RYR2: variants seen among roughly 807,000 people sequenced by gnomAD.
The protein encoded by RYR2 is ryanodine receptor 2.
A neutral mutation model predicts 601.1 loss-of-function variants in RYR2; 227 were observed. That is an observed-to-expected ratio of 0.38 (90% confidence interval 0.34 to 0.42). The LOEUF (loss-of-function observed/expected upper bound fraction) is 0.42. Among genes scored for constraint, RYR2 ranks in the 10% least tolerant of loss-of-function variants. The pLI is 1.00. For missense variants in RYR2, 4,646 were observed against 6,156.5 expected (o/e 0.75, Z 8.21); for synonymous variants, 2,223 against 2,175.1 (o/e 1.02, Z -0.61).
At chr1:237,302,158 A>T (rs1693416329) in intron 2 of RYR2, among the ~76,000 whole-genome samples, 1 of 152,168 alleles carries the variant, frequency 6.6e-6, no homozygotes, top group Admixed American at 6.5e-5. Context: ...ACATATTTTT[A>T]AAAATACCAA....
At chr1:237,761,372 T>A (rs1693423316) in intron 84 of RYR2, among the ~76,000 whole-genome samples, 1 of 152,318 alleles carries the variant, frequency 6.6e-6, no homozygotes, top group Non-Finnish European at 1.5e-5. Flanking sequence ...AACATTTGAC[T>A]TTCTTTGGCC....
At chr1:237,580,181 G>C (rs1416809580) in intron 29 of RYR2, among the ~76,000 whole-genome samples, 1 of 105,804 alleles carries the variant, frequency 9.5e-6, no homozygotes, top group Non-Finnish European at 2.0e-5. Context: ...TTGAGACGGA[G>C]TTTTGCTCTC....
chr1:237,577,531 TGTGTGCGTGTGTGTGTG>T (rs1559055205), intron 29 of RYR2, among the ~76,000 whole-genome samples: 60 of 74,562 alleles, frequency 8.0e-4, no homozygotes, highest in Admixed American at 2.6e-3. Flanking sequence ...TGTGTGTGTG[TGTGTGCGTGTGTGTGTG>T]TTTGAGAGAG....
intron 34 of RYR2, among the ~76,000 whole-genome samples, chr1:237,601,755 A>G (rs1676527105): frequency 6.6e-6 from 1 of 152,212 alleles, no homozygotes; most frequent in Non-Finnish European, 1.5e-5. Flanking sequence ...TTAAAAGAAA[A>G]TGGAAAAAGT....
chr1:237,648,728 C>G, intron 49 of RYR2, 115 bp downstream of exon 49: 1 of 1,203,722 alleles, frequency 8.3e-7, no homozygotes, highest in Non-Finnish European at 1.1e-6. Flanking sequence ...TATTGAGTAC[C>G]TGTTATATTT....
At chr1:237,312,726 A>G (rs1054070800) in intron 2 of RYR2, among the ~76,000 whole-genome samples, 3 of 152,226 alleles carry the variant, frequency 2.0e-5, no homozygotes, top group Non-Finnish European at 4.4e-5. Flanking sequence ...TGAGATTTGA[A>G]ATATTTATTA....
At chr1:237,675,086 CATTT>C (rs1471047527) in intron 60 of RYR2, among the ~76,000 whole-genome samples, 2 of 152,016 alleles carry the variant, frequency 1.3e-5, no homozygotes, top group Non-Finnish European at 2.9e-5. Flanking sequence ...TGTTTATTGG[CATTT>C]ATTTGTTTTC....
chr1:237,655,757 G>A lies in RYR2; in HGVS notation c.7966-64G>A. 2.7e-6 allele frequency: 4 copies of A among 1,458,048 alleles called. 1 individual carries two copies. In the South Asian group the frequency reaches 5.2e-5, roughly 19 times the overall value. The allele number at this position is 1,458,048 out of a possible 1,614,324, so 90.3% of individuals were successfully genotyped here. On this transcript the variant is annotated intron_variant, in intron 52 of 104. Transcript: ENST00000366574. ...TCTTCTGCAACCTTCTGTCAGCCCT[G>A]ATGATCATGCTGACAACTTTTGCCA...
intron 98 of RYR2, among the ~76,000 whole-genome samples, chr1:237,805,580 C>CAA (rs772404939): frequency 0.17 from 6,180 of 37,344 alleles, 1,268 homozygotes; most frequent in Non-Finnish European, 0.18. Context: ...GACTCTGTCT[C>CAA]AAAAAAAAAA....
intron 10 of RYR2, among the ~76,000 whole-genome samples, chr1:237,404,102 A>T (rs1404934622): frequency 2.6e-5 from 4 of 152,192 alleles, no homozygotes; most frequent in Non-Finnish European, 4.4e-5. Context: ...AAAAATACAA[A>T]AATCAGCCAG....
chr1:237,244,964 T>C (rs566110624), intron 1 of RYR2, among the ~76,000 whole-genome samples: 4 of 152,180 alleles, frequency 2.6e-5, no homozygotes, highest in African/African-American at 9.6e-5. Flanking sequence ...TTATGCTTTA[T>C]CAGCACTTGT....
intron 1 of RYR2, among the ~76,000 whole-genome samples, chr1:237,259,546 A>AAAGAGAG (rs1553368865): frequency 7.0e-6 from 1 of 143,832 alleles, no homozygotes; most frequent in African/African-American, 2.6e-5. Flanking sequence ...AAAAAAAAAA[A>AAAGAGAG]AGAGAGACTA....
chr1:237,476,308 G>C (rs1661390033), intron 17 of RYR2, among the ~76,000 whole-genome samples: 1 of 151,948 alleles, frequency 6.6e-6, no homozygotes, highest in Non-Finnish European at 1.5e-5. Flanking sequence ...TCAGGAGTTT[G>C]AAACCAGCCT....
rs75320131 is a variant in RYR2 at position 237,518,436 on chromosome 1, A to G, written c.2822+6645A>G. 7.5e-3 allele frequency among the ~76,000 whole-genome samples: 1,083 copies of G among 144,552 alleles called. 13 individuals are homozygous for G. Among genetic ancestry groups the G allele is most frequent in the African/African-American group, 0.025 (1,023 of 40,902 alleles). The allele number at this position is 144,552 out of a possible 152,430, so 94.8% of individuals were successfully genotyped here. ...AATCCCCTCACTCTTCCAAGTCTCC[A>G]TGAATTGTCATTCTACTCTCTATGT... On this transcript the variant is annotated intron_variant, in intron 24 of 104. Transcript: ENST00000366574.
At chr1:237,571,450 G>T (rs960365098) in intron 29 of RYR2, among the ~76,000 whole-genome samples, 6 of 151,842 alleles carry the variant, frequency 4.0e-5, no homozygotes, top group African/African-American at 7.3e-5. Flanking sequence ...AAGTAGCTGG[G>T]ATTACAGGGG....
rs149577341 is a variant in RYR2, at chr1:237,763,089, T to C, written c.11476+2061T>C. Among the ~76,000 whole-genome samples, 3 of 152,352 alleles carry C rather than the reference T, an allele frequency of 2.0e-5. No individual in the cohort carries two copies. In the East Asian group the frequency reaches 5.8e-4, roughly 29 times the overall value. On this transcript the variant is annotated intron_variant, in intron 84 of 104. Coordinates refer to ENST00000366574, the MANE Select transcript of RYR2 (RefSeq NM_001035.3). ...CTGTTATTTTTTACATTTACACATC[T>C]AGCTTTCCTCCTTTTCTTTCTTGTT... is the stretch of plus-strand genomic sequence containing the variant.
intron 9 of RYR2, 102 bp downstream of exon 9, chr1:237,387,482 C>G: frequency 9.6e-7 from 1 of 1,039,382 alleles, no homozygotes; most frequent in East Asian, 2.4e-5. Context: ...AGCTTTTTGT[C>G]TGTGTCTAAA....
At chr1:237,100,790 A>G (rs778476652) in intron 1 of RYR2, among the ~76,000 whole-genome samples, 19 of 152,048 alleles carry the variant, frequency 1.2e-4, no homozygotes, top group Admixed American at 4.6e-4. Context: ...TCAGTCCCCA[A>G]TTCTGATGTT....
intron 92 of RYR2, among the ~76,000 whole-genome samples, chr1:237,790,910 T>G (rs893634427): frequency 4.0e-5 from 6 of 151,168 alleles, no homozygotes; most frequent in African/African-American, 1.5e-4. Context: ...CACATCCCCC[T>G]GCCACCCCCA....
Sources: allele counts gnomAD v4.1 joint callset (sites outside exome capture counted in the v4.1 genomes callset), GRCh38; gene constraint gnomAD v4.1.1; transcripts MANE v1.5; gene names NCBI Gene and HGNC (gene_info 2026-07-23, HGNC 2026-07-21).